The following RBM27 variants were observed in gnomAD, a reference collection of about 807,000 sequenced individuals.
RBM27 encodes the protein RNA-binding protein 27.
RBM27 carries 22 observed loss-of-function variants against 135.3 expected under a neutral mutation model. That is an observed-to-expected ratio of 0.16 (90% CI 0.12 to 0.23). The LOEUF (loss-of-function observed/expected upper bound fraction) is 0.23. Among genes scored for constraint, RBM27 ranks in the 10% least tolerant of loss-of-function variants. The pLI is 1.00. For synonymous variants in RBM27, 481 were observed against 442.4 expected, an observed-to-expected ratio of 1.09 and a Z score of -1.10; for missense variants, 1,009 against 1,281.0, an observed-to-expected ratio of 0.79 and a Z score of 3.24.
intron 1 of RBM27, among the ~76,000 whole-genome samples, chr5:146,216,986 A>G (rs1049589191): frequency 6.6e-6 from 1 of 151,458 alleles, no homozygotes; most frequent in Non-Finnish European, 1.5e-5. Context: ...ATTTATTTGG[A>G]GATGGAGTCT....
At chr5:146,239,028 T>A (rs1275323659) in intron 8 of RBM27, among the ~76,000 whole-genome samples, 1 of 152,210 alleles carries the variant, frequency 6.6e-6, no homozygotes, top group African/African-American at 2.4e-5. Context: ...TATTATTGTC[T>A]CCTGAAATTT....
At chr5:146,266,267 G>A (rs981899340) in intron 14 of RBM27, among the ~76,000 whole-genome samples, 34 of 152,186 alleles carry the variant, frequency 2.2e-4, no homozygotes, top group African/African-American at 8.0e-4. Context: ...AGAATCCTAT[G>A]GGGGAGTACT....
At chr5:146,216,556 A>G (rs1278779095) in intron 1 of RBM27, among the ~76,000 whole-genome samples, 2 of 152,220 alleles carry the variant, frequency 1.3e-5, no homozygotes. Context: ...AGTTTACAAT[A>G]TATTTATCAA....
At chr5:146,242,319 C>T (rs1004016588) in intron 8 of RBM27, among the ~76,000 whole-genome samples, 1 of 152,198 alleles carries the variant, frequency 6.6e-6, no homozygotes, top group Non-Finnish European at 1.5e-5. Flanking sequence ...ATAATTTCCC[C>T]TTAGCATTTG....
At chr5:146,274,007 G>A (rs1021247580) in intron 19 of RBM27, among the ~76,000 whole-genome samples, 21 of 152,092 alleles carry the variant, frequency 1.4e-4, no homozygotes, top group African/African-American at 4.6e-4. Flanking sequence ...TTTTTGAGAC[G>A]GAGTTTTGCT....
chr5:146,204,234 ATT>A (rs1755527355), intron 1 of RBM27, among the ~76,000 whole-genome samples: 1 of 152,210 alleles, frequency 6.6e-6, no homozygotes, highest in Admixed American at 6.5e-5. Flanking sequence ...TTTGATAAAC[ATT>A]ATTATTCCGG....
At chr5:146,280,137 C>T (rs1759270986) in intron 19 of RBM27, among the ~76,000 whole-genome samples, 1 of 151,970 alleles carries the variant, frequency 6.6e-6, no homozygotes. Context: ...CAGCTCACTG[C>T]AACCTCCACC....
At chr5:146,263,872 G>A (rs1466377345) in intron 14 of RBM27, among the ~76,000 whole-genome samples, 1 of 151,512 alleles carries the variant, frequency 6.6e-6, no homozygotes, top group Non-Finnish European at 1.5e-5. Flanking sequence ...TGGGAAGCCT[G>A]GGTGAGTGGA....
chr5:146,205,824 GC>G (rs1473601811), intron 1 of RBM27, among the ~76,000 whole-genome samples: 1 of 152,178 alleles, frequency 6.6e-6, no homozygotes, highest in Non-Finnish European at 1.5e-5. Flanking sequence ...TTCAAGACCA[GC>G]CTGGCCAATA....
At chr5:146,211,877 A>G (rs925345682) in intron 1 of RBM27, among the ~76,000 whole-genome samples, 21 of 152,144 alleles carry the variant, frequency 1.4e-4, no homozygotes, top group African/African-American at 4.6e-4. Flanking sequence ...TTATGACAGT[A>G]TAGAAAGTAG....
At chr5:146,258,671 CATTA>C (rs1321086036) in intron 11 of RBM27, 78 bp downstream of exon 11, 36 of 1,268,788 alleles carry the variant, frequency 2.8e-5, no homozygotes, top group Non-Finnish European at 3.4e-5. Context: ...TAAGATTTGT[CATTA>C]ATTAATGTTT....
intron 2 of RBM27, 31 bp downstream of exon 2, chr5:146,219,134 G>A (rs762556579): frequency 6.9e-7 from 1 of 1,450,474 alleles, no homozygotes; most frequent in East Asian, 2.3e-5. Context: ...ATCGAGTATT[G>A]AAGTAAAGAT....
chr5:146,282,768 T>TG (rs1259941692), intron 19 of RBM27, among the ~76,000 whole-genome samples: 1 of 152,212 alleles, frequency 6.6e-6, no homozygotes, highest in African/African-American at 2.4e-5. Flanking sequence ...TATGTGGAAT[T>TG]GCTGAGTGAA....
Position 146,288,268 on chromosome 5 carries a change from A to T in RBM27, c.*2238A>T, listed in dbSNP as rs531315692. 6.6e-6 allele frequency: 1 copy of T among 152,140 alleles called. No homozygotes were observed. Among genetic ancestry groups the T allele is most frequent in the African/African-American group, 2.4e-5 (1 of 41,544 alleles). 9.4% of individuals were successfully genotyped at this position (152,140 alleles called of 1,614,324 possible). On this transcript the variant is annotated 3_prime_UTR_variant, in exon 21 of 21. Transcript: ENST00000265271. ...ATTTCACTCTCAGTAAAAAGTTGAA[A>T]ATTTGACTTTTTAGTATTGGGGGCA...
In RBM27 at chr5:146,223,653, T is replaced by G. The variant is rs1012209020; in HGVS notation, c.303+126T>G. On this transcript the variant is annotated intron_variant, in intron 3 of 20. Transcript: ENST00000265271. Reference sequence around the variant, plus strand: ...TCAAGTTTCCGGATTTTAGGCATGGTACAGATTCTTCATCAGGATTTCATA... The same window carrying G: ...TCAAGTTTCCGGATTTTAGGCATGGGACAGATTCTTCATCAGGATTTCATA... 3.4e-5 allele frequency: 36 copies of G among 1,063,578 alleles called. No homozygotes were observed. The South Asian group carries it at 7.5e-4, about 22-fold the overall frequency. The allele number at this position is 1,063,578 out of a possible 1,614,324, so 65.9% of individuals were successfully genotyped here.
chr5:146,263,683 C>CAG, intron 14 of RBM27, 52 bp downstream of exon 14: 1 of 1,577,234 alleles, frequency 6.3e-7, no homozygotes, highest in Non-Finnish European at 8.6e-7. Flanking sequence ...AGTGAATTAA[C>CAG]AGAATAAATC....
chr5:146,208,395 A>C (rs1200577171), intron 1 of RBM27, among the ~76,000 whole-genome samples: 1 of 152,168 alleles, frequency 6.6e-6, no homozygotes, highest in Non-Finnish European at 1.5e-5. Flanking sequence ...CTTTTATTAG[A>C]GGAAGGACAG....
intron 7 of RBM27, among the ~76,000 whole-genome samples, chr5:146,236,235 C>G (rs998318547): frequency 6.6e-6 from 1 of 152,240 alleles, no homozygotes; most frequent in Non-Finnish European, 1.5e-5. Context: ...TACTTACCAT[C>G]TAGGTTCTAC....
intron 19 of RBM27, among the ~76,000 whole-genome samples, chr5:146,278,527 CTT>C (rs1759189551): frequency 6.6e-6 from 1 of 152,170 alleles, no homozygotes; most frequent in Non-Finnish European, 1.5e-5. Flanking sequence ...TTTGTTCTCT[CTT>C]TTATAAAAAT....
Sources: allele counts gnomAD v4.1 joint callset (sites outside exome capture counted in the v4.1 genomes callset), GRCh38; gene constraint gnomAD v4.1.1; transcripts MANE v1.5; gene names NCBI Gene and HGNC (gene_info 2026-07-23, HGNC 2026-07-21).